The following DOLPP1 variants were observed in gnomAD, a reference collection of about 807,000 sequenced individuals.
The protein encoded by DOLPP1 is dolichyl pyrophosphate phosphatase 1.
Under a neutral mutation model 34.1 loss-of-function variants are expected in DOLPP1, and 15 were observed. The ratio of observed to expected loss-of-function variants is 0.44; its 90% CI spans 0.29 to 0.68. The LOEUF (loss-of-function observed/expected upper bound fraction) is 0.68. Among genes scored for constraint, DOLPP1 ranks in the 30% least tolerant of loss-of-function variants. The probability of loss-of-function intolerance (pLI) is 0.12; values close to 1 mark genes in which losing one functional copy is unlikely to be tolerated. For synonymous variants in DOLPP1, 130 were observed against 128.2 expected (o/e 1.01, Z -0.10); for missense variants, 249 against 307.1 (o/e 0.81, Z 1.41).
rs1846878372 is a variant in DOLPP1, at chr9:129,081,180, A to G, written c.49A>G (p.Thr17Ala). 2 of 1,609,980 alleles carry G rather than the reference A, an allele frequency of 1.2e-6. No homozygotes were observed. The highest frequency in any genetic ancestry group is 1.1e-5 in the South Asian group (1 of 91,030). The change falls in exon 1 of 8, where the codon ACC (threonine) becomes GCC (alanine). Residue 17 changes from threonine (T) to alanine (A), a missense_variant. Coordinates refer to ENST00000372546, the MANE Select transcript of DOLPP1 (RefSeq NM_020438.5). ...GCTCCCCGCTTCATGGCGGCCGGTG[A>G]CCCTCACCCACGTCGAATATCCTGC... Reference protein sequence around the residue: ...CSLPASWRPVTLTHVEYPAGD... With the variant: ...CSLPASWRPVALTHVEYPAGD...
chr9:129,085,096 G>C lies in DOLPP1; in HGVS notation c.251G>C (p.Arg84Pro), dbSNP rs1023456683. 4 of 1,595,892 alleles carry C rather than the reference G, an allele frequency of 2.5e-6. No individual in the cohort carries two copies. Among genetic ancestry groups the C allele is most frequent in the Non-Finnish European group, 3.4e-6 (4 of 1,170,608 alleles). The change falls in exon 3 of 8, where the codon CGG (arginine) becomes CCG (proline). Residue 84 changes from arginine to proline, a missense_variant. Coordinates refer to ENST00000372546, the MANE Select transcript of DOLPP1 (RefSeq NM_020438.5). This position sits in a 1 kb window ranked among gnomAD's most constrained non-coding sequence, Gnocchi z 7.0. The stretch of plus-strand genomic sequence containing the variant: ...ATCAAAAACGTCATCCAGGAGCCAC[G>C]GCCCTGTGGAGGTAGGGCCTCAGCT... The part of the protein sequence containing the change: ...WLIKNVIQEP[R>P]PCGGPHTAVG...
At chr9:129,088,059 G>A (rs1272827378) in intron 7 of DOLPP1, among the ~76,000 whole-genome samples, 5 of 150,358 alleles carry the variant, frequency 3.3e-5, no homozygotes, top group Non-Finnish European at 7.4e-5. Flanking sequence ...GAGCTGCGAC[G>A]CACCTGCCTA....
rs140991215 is a variant in DOLPP1 at position 129,083,062 on chromosome 9, T to A, written c.77-1606T>A. 7.1e-3 allele frequency among the ~76,000 whole-genome samples: 1,086 copies of A among 152,258 alleles called. 3 individuals carry two copies. The highest frequency in any genetic ancestry group is 0.011 in the Non-Finnish European group (761 of 68,012). ...GGTCCAGAAGTAGGACAGGGCACGA[T>A]GCGCTCAGGGAACTCGAGTTTGGTC... On this transcript the variant is annotated intron_variant, in intron 1 of 7. Coordinates refer to ENST00000372546, the MANE Select transcript of DOLPP1 (RefSeq NM_020438.5).
chr9:129,087,054 T>C (rs1255967198), intron 7 of DOLPP1, among the ~76,000 whole-genome samples: 1 of 152,234 alleles, frequency 6.6e-6, no homozygotes, highest in Non-Finnish European at 1.5e-5. Flanking sequence ...GGGCCCATGC[T>C]TTTAACCTCT....
chr9:129,084,634 C>T (rs776089166), intron 1 of DOLPP1, 34 bp from the exon 2 acceptor site: 13 of 1,444,144 alleles, frequency 9.0e-6, no homozygotes, highest in African/African-American at 5.5e-5. Context: ...ATGCCTGTGC[C>T]CTGTCCTCCT....
In DOLPP1 at chr9:129,087,622, C is replaced by T. The variant is rs185703563; in HGVS notation, c.680+824C>T. ...TGAGCCACCTCGCCCGGCCGAAGGC[C>T]GGCCCTTCTCTGGGTTCAGAGGGGA... On this transcript the variant is annotated intron_variant, in intron 7 of 7. Coordinates refer to ENST00000372546, the MANE Select transcript of DOLPP1 (RefSeq NM_020438.5). 1.1e-4 allele frequency among the ~76,000 whole-genome samples: 16 copies of T among 146,660 alleles called. No individual in the cohort carries two copies. The East Asian group carries it at 3.1e-3, about 28-fold the overall frequency.
chr9:129,089,033 TC>T lies in DOLPP1; in HGVS notation c.*28del, dbSNP rs768314867. The T allele has an allele frequency of 6.2e-7, 1 of 1,613,002 alleles. No homozygotes were observed. The highest frequency in any genetic ancestry group is 2.2e-5 in the East Asian group (1 of 44,882). On this transcript the variant is annotated 3_prime_UTR_variant, in exon 8 of 8. Transcript: ENST00000372546. This position sits in a 1 kb window ranked among gnomAD's most constrained non-coding sequence, Gnocchi z 4.9. The stretch of plus-strand genomic sequence containing the variant: ...CCAGTGGGTGTGGCTGGGTCCAGCC[TC>T]CAGATCTGGCCCGCACGATGCCTTG...
chr9:129,082,425 C>T (rs1274780762), intron 1 of DOLPP1, among the ~76,000 whole-genome samples: 1 of 152,216 alleles, frequency 6.6e-6, no homozygotes, highest in African/African-American at 2.4e-5. Flanking sequence ...TTTTAGAATG[C>T]TTAACAGGCC....
In DOLPP1 at chr9:129,086,892, A is replaced by T. The variant is rs1317493633; in HGVS notation, c.680+94A>T. On this transcript the variant is annotated intron_variant, in intron 7 of 7. Coordinates refer to ENST00000372546, the MANE Select transcript of DOLPP1 (RefSeq NM_020438.5). ...CTCTCCGGGAGCCTCGCGCCTGCCT[A>T]AGCACTTCTCTTGCATTAACTCATT... 3 of 1,052,842 alleles carry T rather than the reference A, an allele frequency of 2.8e-6. No homozygotes were observed. The African/African-American group carries it at 4.7e-5, about 17-fold the overall frequency. 65.2% of individuals were successfully genotyped at this position (1,052,842 alleles called of 1,614,324 possible).
chr9:129,083,273 G>C (rs1480600599), intron 1 of DOLPP1, among the ~76,000 whole-genome samples: 1 of 152,194 alleles, frequency 6.6e-6, no homozygotes, highest in Admixed American at 6.5e-5. Flanking sequence ...CTGGCTCTGG[G>C]ACAGGCTATG....
rs1411725485 is a variant in DOLPP1, at chr9:129,089,805, C to T, written c.*798C>T. On this transcript the variant is annotated 3_prime_UTR_variant, in exon 8 of 8. Transcript: ENST00000372546. This position sits in a 1 kb window ranked among gnomAD's most constrained non-coding sequence, Gnocchi z 4.9. ...TTACAGCTCTTTCTTGTCCTGCCAT[C>T]CAGTAGCAGTTAGTCTTCATCCCCA... The T allele has an allele frequency of 6.6e-6, 1 of 152,612 alleles. No homozygotes were observed. The highest frequency in any genetic ancestry group is 1.5e-5 in the Non-Finnish European group (1 of 68,046). The allele number at this position is 152,612 out of a possible 1,614,324, so 9.5% of individuals were successfully genotyped here.
In DOLPP1 at chr9:129,085,073, C is replaced by T; in HGVS notation, c.228C>T (p.Ile76=). 1.3e-6 allele frequency: 2 copies of T among 1,591,168 alleles called. No individual in the cohort carries two copies. The highest frequency in any genetic ancestry group is 1.7e-6 in the Non-Finnish European group (2 of 1,168,660). ...LALNEGVNWL[I]KNVIQEPRPC... is the part of the protein sequence containing the mutation. Reference sequence around the variant, plus strand: ...TGAACGAGGGGGTCAACTGGCTGATCAAAAACGTCATCCAGGAGCCACGGC... The same window carrying T: ...TGAACGAGGGGGTCAACTGGCTGATTAAAAACGTCATCCAGGAGCCACGGC... Residue 76 remains isoleucine (I), a synonymous_variant, in exon 3 of 8, where the codon ATC becomes ATT. Transcript: ENST00000372546. The surrounding 1 kb of genome is among the most constrained non-coding windows in gnomAD (Gnocchi z 7.0).
Position 129,085,412 on chromosome 9 carries a change from G to A in DOLPP1, c.362+106G>A. 1.3e-6 allele frequency: 2 copies of A among 1,511,008 alleles called. No individual in the cohort carries two copies. The highest frequency in any genetic ancestry group is 1.8e-6 in the Non-Finnish European group (2 of 1,090,594). 93.6% of individuals were successfully genotyped at this position (1,511,008 alleles called of 1,614,324 possible). A position where few individuals can be genotyped will look rare whatever the true frequency, so the allele number is the denominator to read the frequency against. On this transcript the variant is annotated intron_variant, in intron 4 of 7. Coordinates refer to ENST00000372546, the MANE Select transcript of DOLPP1 (RefSeq NM_020438.5). The surrounding 1 kb of genome is among the most constrained non-coding windows in gnomAD (Gnocchi z 7.0). ...TGCCCCTGGGGTGGGAGGGGCTGCA[G>A]CGGAGGCAGAAGGTACCCAGGGAGC... is the stretch of plus-strand genomic sequence containing the variant.
chr9:129,081,260 C>A, intron 1 of DOLPP1, 53 bp downstream of exon 1: 2 of 1,596,086 alleles, frequency 1.3e-6, no homozygotes, highest in South Asian at 1.1e-5. Context: ...GCCTCTCAGT[C>A]CCGGGCGCTC....
chr9:129,085,568 T>C lies in DOLPP1; in HGVS notation c.413T>C (p.Val138Ala), dbSNP rs773927315. The C allele has an allele frequency of 3.1e-6, 5 of 1,613,664 alleles. No homozygotes were observed. Among genetic ancestry groups the C allele is most frequent in the Non-Finnish European group, 4.2e-6 (5 of 1,179,940 alleles). The change falls in exon 5 of 8, where the codon GTG becomes GCG. Residue 138 changes from valine to alanine, a missense_variant. Coordinates refer to ENST00000372546, the MANE Select transcript of DOLPP1 (RefSeq NM_020438.5). This position sits in a 1 kb window ranked among gnomAD's most constrained non-coding sequence, Gnocchi z 7.0. The part of the protein sequence containing the change: ...ARFLDLLWRH[V>A]LSLGLLAVAF... ...TTCCTGGACTTGCTGTGGAGGCACG[T>C]GCTCTCCCTGGGACTCCTCGCTGTG... is the stretch of plus-strand genomic sequence containing the variant.
rs1465063180 is a variant in DOLPP1, at chr9:129,085,645, A to T, written c.461+29A>T. ...TGGAGGAGGGAGAGCCCCTGCCTGC[A>T]CCCTGCCCATGTGGGGTCCTGCTGG... On this transcript the variant is annotated intron_variant, in intron 5 of 7. Coordinates refer to ENST00000372546, the MANE Select transcript of DOLPP1 (RefSeq NM_020438.5). The surrounding 1 kb of genome is among the most constrained non-coding windows in gnomAD (Gnocchi z 7.0). 1.3e-6 allele frequency: 2 copies of T among 1,569,310 alleles called. No homozygotes were observed. Among genetic ancestry groups the T allele is most frequent in the Admixed American group, 3.5e-5 (2 of 57,470 alleles).
rs762086038 is a variant in DOLPP1, at chr9:129,086,820, G to A, written c.680+22G>A. ...CCAGGTGAGTTCAGGGGACAGCAGT[G>A]CTCACTGGGCCAGCCACAGGCAGCC... On this transcript the variant is annotated intron_variant, in intron 7 of 7. Transcript: ENST00000372546. The A allele has an allele frequency of 1.9e-6, 3 of 1,606,546 alleles. No homozygotes were observed. The South Asian group carries it at 3.3e-5, about 18-fold the overall frequency.
intron 1 of DOLPP1, among the ~76,000 whole-genome samples, chr9:129,083,187 G>A (rs1846922702): frequency 6.6e-6 from 1 of 152,172 alleles, no homozygotes; most frequent in Non-Finnish European, 1.5e-5. Context: ...GCAGTGGGAG[G>A]CCTGAGGGGG....
chr9:129,084,489 C>T (rs111882379), intron 1 of DOLPP1, 179 bp from the exon 2 acceptor site: 20 of 692,380 alleles, frequency 2.9e-5, no homozygotes, highest in African/African-American at 1.2e-4. Flanking sequence ...GACAGCATCA[C>T]GTATGGCTGT....
Sources: gnomAD v4.1 joint callset for allele counts (sites outside exome capture counted in the v4.1 genomes callset) on GRCh38, gnomAD v4.1.1 for gene constraint, Gnocchi (gnomAD v3.1) non-coding constraint, MANE v1.5 for transcripts, NCBI Gene and HGNC (gene_info 2026-07-23, HGNC 2026-07-21) for gene names.